The following DGKB variants were observed in gnomAD, a reference collection of about 807,000 sequenced individuals.
DGKB encodes the protein diacylglycerol kinase beta, also known as 90 kDa diacylglycerol kinase.
Under a neutral mutation model 114.3 loss-of-function variants are expected in DGKB, and 67 were observed. That is an observed-to-expected ratio of 0.59 (90% CI 0.48 to 0.72). The LOEUF (loss-of-function observed/expected upper bound fraction) is 0.72, where lower values mean the gene tolerates loss of function less well. Among genes scored for constraint, DGKB ranks in the 30% least tolerant of loss-of-function variants. The probability of loss-of-function intolerance (pLI) is 0.00; values close to 1 mark genes in which losing one functional copy is unlikely to be tolerated. For synonymous variants in DGKB, 398 were observed against 323.1 expected, an observed-to-expected ratio of 1.23 and a Z score of -2.49; for missense variants, 907 against 975.2, an observed-to-expected ratio of 0.93 and a Z score of 0.93.
At chr7:14,209,327 A>T (rs929509412) in intron 23 of DGKB, 18 of 309,640 alleles carry the variant, frequency 5.8e-5, no homozygotes, top group Middle Eastern at 5.8e-4. Flanking sequence ...ATTCCTTTTC[A>T]TAGAGAGATA....
chr7:14,636,518 C>T (rs1393757294), intron 13 of DGKB, among the ~76,000 whole-genome samples: 3 of 151,914 alleles, frequency 2.0e-5, no homozygotes, highest in African/African-American at 7.2e-5. Flanking sequence ...AGAAACTTTG[C>T]TATGTAATGT....
chr7:14,358,127 G>A (rs1344485892), intron 21 of DGKB, among the ~76,000 whole-genome samples: 5 of 152,090 alleles, frequency 3.3e-5, no homozygotes, highest in Non-Finnish European at 7.3e-5. Context: ...TCCTGAATTT[G>A]AATGTTGGCC....
At chr7:14,397,658 C>T (rs1188772903) in intron 21 of DGKB, among the ~76,000 whole-genome samples, 1 of 152,070 alleles carries the variant, frequency 6.6e-6, no homozygotes, top group African/African-American at 2.4e-5. Context: ...CCAGTGGACA[C>T]TTCTTTGTCA....
intron 21 of DGKB, among the ~76,000 whole-genome samples, chr7:14,419,050 T>C (rs1477783674): frequency 2.0e-5 from 3 of 151,948 alleles, no homozygotes; most frequent in Admixed American, 6.6e-5. Context: ...ATTATTGTGA[T>C]TGAGAGAGCA....
At chr7:14,839,688 T>C (rs1020254589) in intron 2 of DGKB, among the ~76,000 whole-genome samples, 2 of 152,248 alleles carry the variant, frequency 1.3e-5, no homozygotes, top group African/African-American at 2.4e-5. Flanking sequence ...ATTCGTAATA[T>C]GATAAATGCA....
At chr7:14,861,408 T>G (rs1373552001) in intron 1 of DGKB, among the ~76,000 whole-genome samples, 5 of 151,972 alleles carry the variant, frequency 3.3e-5, no homozygotes, top group Admixed American at 6.6e-5. Flanking sequence ...GCAATAAGCT[T>G]TCAAATATAG....
chr7:14,162,946 A>G (rs184345299), intron 25 of DGKB, among the ~76,000 whole-genome samples: 283 of 152,316 alleles, frequency 1.9e-3, no homozygotes, highest in Non-Finnish European at 3.2e-3. Context: ...TTATGGTGTC[A>G]TCATAATTTT....
At chr7:14,816,934 G>A (rs897720179) in intron 2 of DGKB, among the ~76,000 whole-genome samples, 1 of 152,092 alleles carries the variant, frequency 6.6e-6, no homozygotes, top group Non-Finnish European at 1.5e-5. Context: ...ATAAAAACTT[G>A]CAGATTATTA....
chr7:14,943,651 T>C (rs73058988), intron 1 of DGKB, among the ~76,000 whole-genome samples: 17,798 of 150,280 alleles, frequency 0.12, 1,182 homozygotes, highest in Admixed American at 0.19. Context: ...CACACACACA[T>C]ATATATATCT....
intron 21 of DGKB, among the ~76,000 whole-genome samples, chr7:14,360,839 T>G (rs1459400584): frequency 6.6e-6 from 1 of 152,154 alleles, no homozygotes; most frequent in Admixed American, 6.6e-5. Flanking sequence ...CACATTTGCT[T>G]TCATCACTGA....
In DGKB at chr7:14,734,607, C is replaced by G. The variant is rs186027049; in HGVS notation, c.322+1434G>C. Among the ~76,000 whole-genome samples, 8 of 152,278 alleles carry G rather than the reference C, an allele frequency of 5.3e-5. No homozygotes were observed. The East Asian group carries it at 1.4e-3, about 26-fold the overall frequency. On this transcript the variant is annotated intron_variant, in intron 5 of 25. Coordinates refer to ENST00000402815, the MANE Select transcript of DGKB (RefSeq NM_001350709.2). ...CCCAGCTGTCTTCCATGAAGCCAGG[C>G]ATTAAAGAGATTTGCAATTATGCAA...
intron 1 of DGKB, among the ~76,000 whole-genome samples, chr7:14,863,050 A>C (rs1408331148): frequency 6.6e-6 from 1 of 152,036 alleles, no homozygotes; most frequent in Non-Finnish European, 1.5e-5. Flanking sequence ...AAATTTGGTC[A>C]TGGTGGAGGG....
At chr7:14,214,625 C>T (rs572475874) in intron 23 of DGKB, among the ~76,000 whole-genome samples, 1 of 152,168 alleles carries the variant, frequency 6.6e-6, no homozygotes, top group African/African-American at 2.4e-5. Flanking sequence ...AAAAAATAAT[C>T]TTAAAAAACT....
chr7:14,960,368 A>G (rs1786771478), intron 1 of DGKB, among the ~76,000 whole-genome samples: 1 of 152,046 alleles, frequency 6.6e-6, no homozygotes, highest in Admixed American at 6.6e-5. Flanking sequence ...TCACCTAAAA[A>G]GTTTTTTTAA....
rs557368101 is a variant in DGKB, at chr7:14,917,104, A to G, written c.-188+57592T>C. Among the ~76,000 whole-genome samples the G allele has an allele frequency of 5.9e-5, 9 of 152,238 alleles. No homozygotes were observed. In the South Asian group the frequency reaches 1.2e-3, roughly 21 times the overall value. The stretch of plus-strand genomic sequence containing the variant: ...CTAAATGACTAAGAAAACAATACTT[A>G]TGTCAAAATATGTGGAACACAACAA... On this transcript the variant is annotated intron_variant, in intron 1 of 4. Transcript: ENST00000437998.
chr7:14,926,272 C>G (rs1362038353), intron 1 of DGKB, among the ~76,000 whole-genome samples: 1 of 151,968 alleles, frequency 6.6e-6, no homozygotes, highest in Admixed American at 6.6e-5. Context: ...TCTTGTCAGA[C>G]AACCACACCA....
At chr7:14,715,752 G>A (rs1173058679) in intron 6 of DGKB, among the ~76,000 whole-genome samples, 3 of 152,130 alleles carry the variant, frequency 2.0e-5, no homozygotes, top group East Asian at 1.9e-4. Flanking sequence ...GAGGGTTCTC[G>A]AATAACACCC....
rs1364253407 is a variant in DGKB at position 14,567,807 on chromosome 7, A to G, written c.1770+6405T>C. ...TTTTTAGTAGAGGTGCGGTTTTACC[A>G]TGTTGACCAGGCTGGCCTTGAACTC... On this transcript the variant is annotated intron_variant, in intron 20 of 25. Coordinates refer to ENST00000402815, the MANE Select transcript of DGKB (RefSeq NM_001350709.2). Among the ~76,000 whole-genome samples the G allele has an allele frequency of 2.0e-5, 3 of 151,508 alleles. No homozygotes were observed. In the East Asian group the frequency reaches 5.9e-4, roughly 30 times the overall value.
At chr7:14,855,438 A>G (rs1176950117) in intron 1 of DGKB, among the ~76,000 whole-genome samples, 1 of 152,192 alleles carries the variant, frequency 6.6e-6, no homozygotes, top group Non-Finnish European at 1.5e-5. Context: ...AAGATCTAGA[A>G]CTGAAAATTT....
Sources: allele counts gnomAD v4.1 joint callset (sites outside exome capture counted in the v4.1 genomes callset), GRCh38; gene constraint gnomAD v4.1.1; transcripts MANE v1.5; gene names NCBI Gene and HGNC (gene_info 2026-07-23, HGNC 2026-07-21).